IQCM: variants seen among roughly 807,000 people sequenced by gnomAD.
IQCM encodes IQ motif containing M.
A neutral mutation model predicts 57.6 loss-of-function variants in IQCM; 45 were observed. The ratio of observed to expected loss-of-function variants is 0.78; its 90% CI spans 0.62 to 1.00. IQCM has a LOEUF of 1.00. Among genes scored for constraint, IQCM ranks in the 50% least tolerant of loss-of-function variants. The pLI is 0.00. For missense variants in IQCM, 468 were observed against 511.6 expected, an observed-to-expected ratio of 0.91 and a Z score of 0.82; for synonymous variants, 148 against 158.9, an observed-to-expected ratio of 0.93 and a Z score of 0.51.
rs184028470 is a variant in IQCM at position 149,487,425 on chromosome 4, C to T, written c.1229-53868G>A. Among the ~76,000 whole-genome samples the T allele has an allele frequency of 3.3e-5, 5 of 152,300 alleles. 1 individual carries two copies. The East Asian group carries it at 9.7e-4, about 29-fold the overall frequency. On this transcript the variant is annotated intron_variant, in intron 12 of 13. Transcript: ENST00000636793. ...AGAGATGGTGTAAGCACTCCCTTGG[C>T]TGTGCCAGTTGGTGTCTCCCTGTCA...
chr4:149,613,318 T>A (rs1443980956), intron 8 of IQCM, among the ~76,000 whole-genome samples: 6 of 152,080 alleles, frequency 3.9e-5, no homozygotes, highest in Non-Finnish European at 7.4e-5. Flanking sequence ...GTGATAAAAT[T>A]TTTCAAGTGC....
intron 5 of IQCM, among the ~76,000 whole-genome samples, chr4:149,721,463 T>C (rs1765443801): frequency 6.6e-6 from 1 of 152,028 alleles, no homozygotes; most frequent in Non-Finnish European, 1.5e-5. Context: ...CCCTTCTGAG[T>C]CTCCAGTGTC....
At chr4:149,523,936 C>T (rs1183138896) in intron 12 of IQCM, among the ~76,000 whole-genome samples, 1 of 152,080 alleles carries the variant, frequency 6.6e-6, no homozygotes, top group Non-Finnish European at 1.5e-5. Context: ...GTAACTTGTT[C>T]ATACATAATT....
chr4:149,486,047 C>A (rs1191401098), intron 12 of IQCM, among the ~76,000 whole-genome samples: 5 of 151,442 alleles, frequency 3.3e-5, no homozygotes, highest in Admixed American at 2.0e-4. Flanking sequence ...CTCTCTCTCT[C>A]TCTCTCTCTC....
At chr4:149,768,094 A>G (rs938993263) in intron 2 of IQCM, among the ~76,000 whole-genome samples, 1 of 152,146 alleles carries the variant, frequency 6.6e-6, no homozygotes, top group East Asian at 1.9e-4. Flanking sequence ...TTATCACCAA[A>G]GTTCCTAAAA....
intron 7 of IQCM, among the ~76,000 whole-genome samples, chr4:149,660,041 G>A (rs1417096091): frequency 5.3e-5 from 8 of 151,228 alleles, no homozygotes; most frequent in Admixed American, 3.9e-4. Flanking sequence ...AGAGTGAACA[G>A]GCAACCCACA....
At chr4:149,561,205 A>T (rs1173967786) in intron 10 of IQCM, among the ~76,000 whole-genome samples, 1 of 152,146 alleles carries the variant, frequency 6.6e-6, no homozygotes, top group African/African-American at 2.4e-5. Context: ...CTCAAATTCT[A>T]TCTCCGTATA....
chr4:149,607,933 A>T (rs148050109), intron 8 of IQCM, among the ~76,000 whole-genome samples: 1 of 151,970 alleles, frequency 6.6e-6, no homozygotes, highest in African/African-American at 2.4e-5. Flanking sequence ...GAATAATAAC[A>T]TTGAATGTAA....
chr4:149,603,786 G>GA (rs929470159), intron 8 of IQCM, among the ~76,000 whole-genome samples: 9 of 150,380 alleles, frequency 6.0e-5, no homozygotes, highest in South Asian at 2.1e-4. Flanking sequence ...TGTCAATATA[G>GA]AAAAAAAAAT....
At chr4:149,543,698 A>G (rs1579430373) in intron 12 of IQCM, among the ~76,000 whole-genome samples, 1 of 151,964 alleles carries the variant, frequency 6.6e-6, no homozygotes, top group Non-Finnish European at 1.5e-5. Context: ...TAACCTGCAC[A>G]TTGTGCACAG....
At chr4:149,622,685 T>C (rs1426811547) in intron 7 of IQCM, among the ~76,000 whole-genome samples, 1 of 152,194 alleles carries the variant, frequency 6.6e-6, no homozygotes, top group African/African-American at 2.4e-5. Context: ...TATTTTCATT[T>C]GGCAGCTTTG....
At chr4:149,793,199 AT>A (rs1301107359) in intron 2 of IQCM, among the ~76,000 whole-genome samples, 3 of 152,188 alleles carry the variant, frequency 2.0e-5, no homozygotes, top group Admixed American at 2.0e-4. Context: ...TAATGAATCC[AT>A]GCATTTATAC....
chr4:149,646,878 G>T (rs1223722697), intron 7 of IQCM, among the ~76,000 whole-genome samples: 1 of 152,158 alleles, frequency 6.6e-6, no homozygotes, highest in East Asian at 1.9e-4. Flanking sequence ...CAGCTACTCA[G>T]GAGGCTGAGG....
At chr4:149,743,748 A>G (rs950478611) in intron 2 of IQCM, among the ~76,000 whole-genome samples, 2 of 152,190 alleles carry the variant, frequency 1.3e-5, no homozygotes, top group African/African-American at 4.8e-5. Flanking sequence ...AGGGCTGATT[A>G]ATGGGTTCAT....
chr4:149,355,326 T>C (rs1728883489), intron 13 of IQCM, among the ~76,000 whole-genome samples: 1 of 152,038 alleles, frequency 6.6e-6, no homozygotes, highest in African/African-American at 2.4e-5. Flanking sequence ...ATGTGCCATG[T>C]TGGTGTACTG....
intron 12 of IQCM, among the ~76,000 whole-genome samples, chr4:149,481,696 G>GTTTTGTTTTTTTTTTTTTTTTTTTT (rs1740807413): frequency 3.0e-5 from 1 of 33,600 alleles, no homozygotes; most frequent in African/African-American, 1.2e-4. Flanking sequence ...GATTCTTCCA[G>GTTTTGTTTTTTTTTTTTTTTTTTTT]TTTTGTTTTT....
chr4:149,379,421 G>T (rs1306312958), intron 13 of IQCM, among the ~76,000 whole-genome samples: 3 of 152,154 alleles, frequency 2.0e-5, no homozygotes, highest in African/African-American at 7.2e-5. Context: ...CATAGAAGTG[G>T]AGCTGCCCAA....
chr4:149,508,877 A>T (rs2149805073), intron 12 of IQCM, among the ~76,000 whole-genome samples: 1 of 152,292 alleles, frequency 6.6e-6, no homozygotes, highest in South Asian at 2.1e-4. Context: ...GTGGGAGGCA[A>T]TTGAATCGTG....
chr4:149,599,207 T>C (rs1045283840), intron 8 of IQCM, among the ~76,000 whole-genome samples: 14 of 152,124 alleles, frequency 9.2e-5, no homozygotes, highest in African/African-American at 3.4e-4. Flanking sequence ...AATTATAGTA[T>C]ATTTATTCAA....
Sources: allele counts gnomAD v4.1 joint callset (sites outside exome capture counted in the v4.1 genomes callset), GRCh38; gene constraint gnomAD v4.1.1; transcripts MANE v1.5; gene names NCBI Gene and HGNC (gene_info 2026-07-23, HGNC 2026-07-21).